The following ZDHHC3 variants were observed in gnomAD, a reference collection of about 807,000 sequenced individuals.
The protein encoded by ZDHHC3 is zDHHC palmitoyltransferase 3.
Under a neutral mutation model 30.6 loss-of-function variants are expected in ZDHHC3, and 9 were observed. The observed-to-expected ratio is 0.29, with a 90% confidence interval of 0.18 to 0.51. ZDHHC3 has a LOEUF of 0.51. Among genes scored for constraint, ZDHHC3 ranks in the 20% least tolerant of loss-of-function variants. ZDHHC3 has a pLI of 0.97. For synonymous variants in ZDHHC3, 136 were observed against 140.2 expected, an observed-to-expected ratio of 0.97 and a Z score of 0.21; for missense variants, 246 against 384.2, an observed-to-expected ratio of 0.64 and a Z score of 3.01.
rs1222956130 is a variant in ZDHHC3, at chr3:44,926,865, C to T, written c.742-18G>A. Reference sequence around the variant, plus strand: ...TCTATTCCCTGAAAACAAGAACAATCATACTTTCAGTCAAGCACTGCATTG... The same window carrying T: ...TCTATTCCCTGAAAACAAGAACAATTATACTTTCAGTCAAGCACTGCATTG... On this transcript the variant is annotated intron_variant, in intron 6 of 6. Coordinates refer to ENST00000424952, the MANE Select transcript of ZDHHC3 (RefSeq NM_001135179.2). The T allele has an allele frequency of 6.3e-7, 1 of 1,592,608 alleles. No homozygotes were observed. Among genetic ancestry groups the T allele is most frequent in the Non-Finnish European group, 8.5e-7 (1 of 1,169,832 alleles).
intron 6 of ZDHHC3, among the ~76,000 whole-genome samples, chr3:44,928,175 C>A (rs1701167580): frequency 6.6e-6 from 1 of 152,200 alleles, no homozygotes; most frequent in African/African-American, 2.4e-5. Context: ...ATACCATTGG[C>A]TACTAGTTTT....
intron 2 of ZDHHC3, among the ~76,000 whole-genome samples, chr3:44,951,388 T>C (rs1223259731): frequency 6.6e-6 from 1 of 152,158 alleles, no homozygotes; most frequent in Non-Finnish European, 1.5e-5. Flanking sequence ...AGGGGTGGGG[T>C]AGGGTGTGAT....
intron 1 of ZDHHC3, among the ~76,000 whole-genome samples, chr3:44,966,549 A>T (rs905041381): frequency 2.6e-5 from 4 of 152,068 alleles, no homozygotes; most frequent in Non-Finnish European, 5.9e-5. Context: ...TAAATCGTAC[A>T]GTCTTAAAAA....
intron 1 of ZDHHC3, among the ~76,000 whole-genome samples, chr3:44,963,167 TACTC>T (rs1440180684): frequency 6.6e-6 from 1 of 152,330 alleles, no homozygotes; most frequent in South Asian, 2.1e-4. Context: ...GACTGACTCT[TACTC>T]AAGTAACCGG....
intron 3 of ZDHHC3, among the ~76,000 whole-genome samples, chr3:44,938,911 G>C (rs987717753): frequency 6.6e-6 from 1 of 152,248 alleles, no homozygotes; most frequent in African/African-American, 2.4e-5. Flanking sequence ...TGGCAATGCA[G>C]ACCTGAGTCC....
Position 44,923,755 on chromosome 3 carries a change from A to G in ZDHHC3, c.*2934T>C. On this transcript the variant is annotated 3_prime_UTR_variant, in exon 7 of 7. Coordinates refer to ENST00000424952, the MANE Select transcript of ZDHHC3 (RefSeq NM_001135179.2). Reference sequence around the variant, plus strand: ...GAGTTCAAGGCTGCAGTGAGCTCTAATTGTGCCACTGCATTCCAGCCTGGG... The same window carrying G: ...GAGTTCAAGGCTGCAGTGAGCTCTAGTTGTGCCACTGCATTCCAGCCTGGG... The G allele has an allele frequency of 1.0e-6, 1 of 953,034 alleles. No homozygotes were observed. Among genetic ancestry groups the G allele is most frequent in the Non-Finnish European group, 1.2e-6 (1 of 800,606 alleles). 59.0% of individuals were successfully genotyped at this position (953,034 alleles called of 1,614,324 possible). A position where few individuals can be genotyped will look rare whatever the true frequency, so the allele number is the denominator to read the frequency against.
chr3:44,925,868 G>A lies in ZDHHC3; in HGVS notation c.*821C>T. The A allele has an allele frequency of 2.0e-6, 2 of 985,884 alleles. No individual in the cohort carries two copies. The highest frequency in any genetic ancestry group is 2.4e-6 in the Non-Finnish European group (2 of 829,952). The allele number at this position is 985,884 out of a possible 1,614,324, so 61.1% of individuals were successfully genotyped here. Reference sequence around the variant, plus strand: ...GGGGAAGAGAGGGAGATGGGGTGGTGAGAGAGGAAGCAGATGAAACAAAGG... The same window carrying A: ...GGGGAAGAGAGGGAGATGGGGTGGTAAGAGAGGAAGCAGATGAAACAAAGG... On this transcript the variant is annotated 3_prime_UTR_variant, in exon 7 of 7. Coordinates refer to ENST00000424952, the MANE Select transcript of ZDHHC3 (RefSeq NM_001135179.2).
rs1029582904 is a variant in ZDHHC3 at position 44,918,239 on chromosome 3, G to C, written c.*8450C>G. ...AGCTATAGCATAGCAGTGGCGGGGG[G>C]GGGGGCGGGGTGTCCACGGCATGGG... On this transcript the variant is annotated 3_prime_UTR_variant, in exon 7 of 7. Coordinates refer to ENST00000424952, the MANE Select transcript of ZDHHC3 (RefSeq NM_001135179.2). 309 of 1,216,360 alleles carry C rather than the reference G, an allele frequency of 2.5e-4. 2 individuals carry two copies. Among genetic ancestry groups the C allele is most frequent in the Middle Eastern group, 3.7e-4 (1 of 2,694 alleles). 75.3% of individuals were successfully genotyped at this position (1,216,360 alleles called of 1,614,324 possible).
intron 3 of ZDHHC3, among the ~76,000 whole-genome samples, chr3:44,934,893 C>CAAA (rs886501187): frequency 1.0e-4 from 6 of 60,038 alleles, no homozygotes; most frequent in African/African-American, 1.9e-4. Flanking sequence ...ACTCTGTCTC[C>CAAA]AAAAAAAAAA....
intron 3 of ZDHHC3, among the ~76,000 whole-genome samples, chr3:44,936,756 T>C (rs926874455): frequency 1.3e-5 from 2 of 152,090 alleles, no homozygotes; most frequent in African/African-American, 4.8e-5. Context: ...AAGATAACTA[T>C]TGGGTACTGG....
rs760297347 is a variant in ZDHHC3, at chr3:44,933,172, C to T, written c.556G>A (p.Ala186Thr). 14 of 1,613,992 alleles carry T rather than the reference C, an allele frequency of 8.7e-6. No homozygotes were observed. Among genetic ancestry groups the T allele is most frequent in the African/African-American group, 4.0e-5 (3 of 74,884 alleles). Reference protein sequence around the residue: ...TMYIALISLHALIMVGFHFLH... With the variant: ...TMYIALISLHTLIMVGFHFLH... ...AAGTGGAATCCCACCATGATGAGGG[C>T]GTGCAAGGAAATGAGAGCTATGTAC... Residue 186 changes from alanine to threonine, a missense_variant, in exon 5 of 7, where the codon GCC becomes ACC. Physicochemically the swap from Ala to Thr is moderately conservative, Grantham distance 58 (BLOSUM62 0). Coordinates refer to ENST00000424952, the MANE Select transcript of ZDHHC3 (RefSeq NM_001135179.2).
chr3:44,943,559 C>T (rs1702633229), intron 3 of ZDHHC3, among the ~76,000 whole-genome samples: 2 of 152,204 alleles, frequency 1.3e-5, no homozygotes, highest in African/African-American at 4.8e-5. Flanking sequence ...AGATCTCTCA[C>T]ACACCCAAAT....
intron 1 of ZDHHC3, among the ~76,000 whole-genome samples, chr3:44,972,897 G>A (rs1392945355): frequency 6.6e-6 from 1 of 152,164 alleles, no homozygotes; most frequent in Non-Finnish European, 1.5e-5. Context: ...TATGGCATAC[G>A]GTTGGAATCT....
rs1303318395 is a variant in ZDHHC3, at chr3:44,919,743, T to C, written c.*6946A>G. The C allele has an allele frequency of 2.7e-6, 1 of 370,922 alleles. No individual in the cohort carries two copies. Among genetic ancestry groups the C allele is most frequent in the African/African-American group, 2.2e-5 (1 of 45,424 alleles). 23.0% of individuals were successfully genotyped at this position (370,922 alleles called of 1,614,324 possible). A position where few individuals can be genotyped will look rare whatever the true frequency, so the allele number is the denominator to read the frequency against. ...TGTCCAGGGTTTTATATTTGTATTA[T>C]GGTTGTATAAAATGTTTACCTTTGG... On this transcript the variant is annotated 3_prime_UTR_variant, in exon 7 of 7. Transcript: ENST00000424952.
At chr3:44,939,583 A>G (rs189480420) in intron 3 of ZDHHC3, among the ~76,000 whole-genome samples, 3 of 152,176 alleles carry the variant, frequency 2.0e-5, no homozygotes, top group African/African-American at 7.2e-5. Context: ...ATCTGCACTT[A>G]TTTTTAAAAG....
chr3:44,929,238 C>T (rs896631706), intron 6 of ZDHHC3, 68 bp downstream of exon 6: 149 of 1,581,344 alleles, frequency 9.4e-5, no homozygotes, highest in Admixed American at 3.7e-4. Context: ...GCAGCTCTCC[C>T]AGCAACACTG....
chr3:44,958,692 T>A (rs1022993924), intron 2 of ZDHHC3: 1 of 1,535,794 alleles, frequency 6.5e-7, no homozygotes, highest in Middle Eastern at 1.7e-4. Flanking sequence ...GTTCCTGGAA[T>A]TGGATGTGGC....
chr3:44,963,596 T>C (rs945347441), intron 1 of ZDHHC3, among the ~76,000 whole-genome samples: 4 of 152,016 alleles, frequency 2.6e-5, no homozygotes, highest in African/African-American at 9.7e-5. Context: ...CCCTTTTCCT[T>C]TTCTATTTTG....
chr3:44,937,949 CAGAA>C, intron 3 of ZDHHC3: 1 of 460,216 alleles, frequency 2.2e-6, no homozygotes, highest in South Asian at 1.5e-5. Flanking sequence ...TGCCGTGAGA[CAGAA>C]AGAAACAGAA....
Sources: allele counts gnomAD v4.1 joint callset (sites outside exome capture counted in the v4.1 genomes callset), GRCh38; gene constraint gnomAD v4.1.1; transcripts MANE v1.5; gene names NCBI Gene and HGNC (gene_info 2026-07-23, HGNC 2026-07-21).